The following DENND4A variants were observed in gnomAD, a reference collection of about 807,000 sequenced individuals.
The protein encoded by DENND4A is DENN domain containing 4A, also known as C-myc promoter-binding protein.
A neutral mutation model predicts 199.3 loss-of-function variants in DENND4A; 70 were observed. The ratio of observed to expected loss-of-function variants is 0.35; its 90% CI spans 0.29 to 0.43. The LOEUF (loss-of-function observed/expected upper bound fraction) is 0.43, where lower values mean the gene tolerates loss of function less well. Among genes scored for constraint, DENND4A ranks in the 20% least tolerant of loss-of-function variants. The pLI is 1.00. For missense variants in DENND4A, 1,723 were observed against 2,255.8 expected (o/e 0.76, Z 4.78); for synonymous variants, 686 against 766.9 (o/e 0.89, Z 1.74).
At chr15:65,688,223 T>C (rs534016237) in intron 23 of DENND4A, among the ~76,000 whole-genome samples, 1 of 152,360 alleles carries the variant, frequency 6.6e-6, no homozygotes, top group East Asian at 1.9e-4. Context: ...TTTGTTTTAA[T>C]ACATTCTATT....
chr15:65,697,727 T>C (rs539367982), intron 20 of DENND4A, among the ~76,000 whole-genome samples: 4 of 152,326 alleles, frequency 2.6e-5, no homozygotes, highest in Admixed American at 6.5e-5. Flanking sequence ...AGTTGAAAGT[T>C]TGAGTTTCAA....
intron 12 of DENND4A, among the ~76,000 whole-genome samples, chr15:65,720,192 T>C (rs2075567699): frequency 6.6e-6 from 1 of 152,178 alleles, no homozygotes; most frequent in East Asian, 1.9e-4. Flanking sequence ...TATGGTTACA[T>C]TGTAGTGATG....
chr15:65,771,238 T>C (rs762690265), intron 1 of DENND4A: 63 of 1,602,832 alleles, frequency 3.9e-5, no homozygotes, highest in Non-Finnish European at 5.3e-5. Context: ...TCAAGGCATC[T>C]GACTTCCTTC....
At chr15:65,708,812 T>C (rs1329247995) in intron 14 of DENND4A, among the ~76,000 whole-genome samples, 3 of 152,166 alleles carry the variant, frequency 2.0e-5, no homozygotes, top group Non-Finnish European at 4.4e-5. Flanking sequence ...TTAAGCACCA[T>C]CCCACAGGAA....
chr15:65,663,191 TATA>T lies in DENND4A; in HGVS notation c.5587+1136_5587+1138del, dbSNP rs1349700480. On this transcript the variant is annotated intron_variant, in intron 32 of 32. Transcript: ENST00000443035. ...GTGTGTGTGTGTATATATATATATA[TATA>T]TATATTTTTTTTTTTTTATTTTTTT... Among the ~76,000 whole-genome samples the T allele has an allele frequency of 4.0e-3, 502 of 124,754 alleles. 6 individuals are homozygous for T. The highest frequency in any genetic ancestry group is 0.016 in the African/African-American group (481 of 29,542). 81.8% of individuals were successfully genotyped at this position (124,754 alleles called of 152,430 possible).
In DENND4A at chr15:65,754,551, T is replaced by G. The variant is rs143139096; in HGVS notation, c.311+1589A>C. On this transcript the variant is annotated intron_variant, in intron 3 of 32. Coordinates refer to ENST00000443035, the MANE Select transcript of DENND4A (RefSeq NM_001320835.1). ...GATAAGCGGCTTTATCTAGAATATA[T>G]TAAGAACTCTTATAGCTCAACAAAC... Among the ~76,000 whole-genome samples, 493 of 152,310 alleles carry G rather than the reference T, an allele frequency of 3.2e-3. 4 individuals carry two copies. Among genetic ancestry groups the G allele is most frequent in the Admixed American group, 3.2e-3 (49 of 15,286 alleles).
intron 23 of DENND4A, among the ~76,000 whole-genome samples, chr15:65,679,945 A>T (rs2076514830): frequency 6.6e-6 from 1 of 152,080 alleles, no homozygotes; most frequent in East Asian, 1.9e-4. Flanking sequence ...CTGGGCTAAT[A>T]ATGAAATTTT....
At chr15:65,732,162 T>G (rs767392774) in intron 8 of DENND4A, among the ~76,000 whole-genome samples, 12 of 152,060 alleles carry the variant, frequency 7.9e-5, no homozygotes, top group Non-Finnish European at 8.8e-5. Flanking sequence ...AGATGACAAG[T>G]AAAGACTAAA....
chr15:65,681,789 A>AT (rs2076586099), intron 23 of DENND4A, among the ~76,000 whole-genome samples: 1 of 152,114 alleles, frequency 6.6e-6, no homozygotes, highest in Non-Finnish European at 1.5e-5. Flanking sequence ...ACTGGTCTCA[A>AT]ATTTCTGAGC....
intron 25 of DENND4A, 50 bp downstream of exon 25, chr15:65,671,742 T>C: frequency 8.2e-7 from 1 of 1,225,650 alleles, no homozygotes. Context: ...TTAAGAAATG[T>C]GCATTTTATA....
intron 17 of DENND4A, 143 bp downstream of exon 17, chr15:65,702,162 G>T: frequency 1.3e-6 from 1 of 789,298 alleles, no homozygotes; most frequent in Non-Finnish European, 2.0e-6. Flanking sequence ...TATCTGGGAG[G>T]CTAAAATGGG....
At chr15:65,778,454 A>T (rs1284006132) in intron 1 of DENND4A, among the ~76,000 whole-genome samples, 1 of 141,588 alleles carries the variant, frequency 7.1e-6, no homozygotes, top group Non-Finnish European at 1.5e-5. Context: ...CAGTGACCTA[A>T]AAAAAAAAAA....
rs2076153540 is a variant in DENND4A, at chr15:65,737,693, A to G, written c.1040+14T>C. On this transcript the variant is annotated intron_variant, in intron 7 of 32. Coordinates refer to ENST00000443035, the MANE Select transcript of DENND4A (RefSeq NM_001320835.1). Reference sequence around the variant, plus strand: ...AAGATCTGTCAAATGTTGAACCAAGAACACTTAACTTACTTCTCAATTGGA... The same window carrying G: ...AAGATCTGTCAAATGTTGAACCAAGGACACTTAACTTACTTCTCAATTGGA... 6.4e-7 allele frequency: 1 copy of G among 1,555,316 alleles called. No homozygotes were observed. Among genetic ancestry groups the G allele is most frequent in the Non-Finnish European group, 8.7e-7 (1 of 1,149,640 alleles).
At chr15:65,676,141 A>AATATATATATATATATATATAT (rs57613461) in intron 24 of DENND4A, among the ~76,000 whole-genome samples, 1,405 of 109,596 alleles carry the variant, frequency 0.013, 21 homozygotes, top group East Asian at 0.064. Flanking sequence ...AATAAGGAAA[A>AATATATATATATATATATATAT]ATATATATAT....
chr15:65,789,749 C>A (rs1433776211), intron 1 of DENND4A, among the ~76,000 whole-genome samples: 2 of 152,194 alleles, frequency 1.3e-5, no homozygotes, highest in South Asian at 2.1e-4. Flanking sequence ...TGCATCAGTG[C>A]TTTAACTAGG....
intron 1 of DENND4A, among the ~76,000 whole-genome samples, chr15:65,791,467 C>T (rs866226818): frequency 4.9e-5 from 7 of 142,516 alleles, no homozygotes; most frequent in Non-Finnish European, 9.2e-5. Context: ...ACACACCCCC[C>T]CAAAAAGACT....
At chr15:65,699,356 T>C (rs1407335242) in intron 20 of DENND4A, among the ~76,000 whole-genome samples, 2 of 152,072 alleles carry the variant, frequency 1.3e-5, no homozygotes, top group Admixed American at 1.3e-4. Context: ...TCAAAAGTCA[T>C]GTGTAATTTT....
chr15:65,732,945 T>A (rs962904806), intron 7 of DENND4A, 127 bp from the exon 8 acceptor site: 2 of 525,748 alleles, frequency 3.8e-6, no homozygotes, highest in East Asian at 5.9e-5. Flanking sequence ...TCCCTAATAC[T>A]ATGAAAACAA....
At chr15:65,771,611 C>G in intron 1 of DENND4A, 1 of 1,612,546 alleles carries the variant, frequency 6.2e-7, no homozygotes, top group South Asian at 1.1e-5. Context: ...TTCATGTCCA[C>G]TATGTCAATG....
Sources: gnomAD v4.1 joint callset for allele counts (sites outside exome capture counted in the v4.1 genomes callset) on GRCh38, gnomAD v4.1.1 for gene constraint, MANE v1.5 for transcripts, NCBI Gene and HGNC (gene_info 2026-07-23, HGNC 2026-07-21) for gene names.